The following IQSEC2 variants were observed in gnomAD, a reference collection of about 807,000 sequenced individuals.
IQSEC2 encodes IQ motif and SEC7 domain-containing protein 2.
In IQSEC2, 6 loss-of-function variants were observed where a neutral mutation model predicts 74.6. The observed-to-expected ratio is 0.08, with a 90% CI of 0.04 to 0.16. The LOEUF (loss-of-function observed/expected upper bound fraction) is 0.16, where lower values mean the gene tolerates loss of function less well. Ranked by LOEUF, IQSEC2 falls within the 10% of genes least tolerant of loss-of-function variation. The pLI is 1.00. For missense variants in IQSEC2, 734 were observed against 1,306.2 expected (o/e 0.56, Z 6.75); for synonymous variants, 494 against 544.5 (o/e 0.91, Z 1.29).
chrX:53,277,218 CTTT>C (rs782593191), intron 2 of IQSEC2, among the ~76,000 whole-genome samples: 1 of 102,819 alleles, frequency 9.7e-6, no homozygotes, highest in South Asian at 4.3e-4. Flanking sequence ...ACCGTCTTTT[CTTT>C]TTTTTTTTGA....
At chrX:53,292,528 T>C (rs2075110513) in intron 1 of IQSEC2, among the ~76,000 whole-genome samples, 1 of 112,124 alleles carries the variant, frequency 8.9e-6, no homozygotes, top group Non-Finnish European at 1.9e-5. Context: ...AACCTGCTTA[T>C]TTTCCAGATG....
At chrX:53,227,811 C>T (rs1556857919), downstream of IQSEC2, 1 of 187,901 alleles carries the variant, frequency 5.3e-6, no homozygotes, top group African/African-American at 3.0e-5. Context: ...GGTCTCAGCT[C>T]TGCACAGTCT....
chrX:53,228,990 T>C (rs1317424833), downstream of IQSEC2: 9 of 112,597 alleles, frequency 8.0e-5, no homozygotes, highest in African/African-American at 1.9e-4. Context: ...TGACTCCACA[T>C]TGATATAAGT....
chrX:53,230,685 C>T (rs368268391), downstream of IQSEC2: 1 of 113,349 alleles, frequency 8.8e-6, no homozygotes, highest in East Asian at 2.8e-4. Flanking sequence ...CTGCAACCTC[C>T]GCCTCTCGGG....
At chrX:53,308,768 A>T (rs1273006048) in intron 1 of IQSEC2, among the ~76,000 whole-genome samples, 26 of 110,196 alleles carry the variant, frequency 2.4e-4, no homozygotes, top group African/African-American at 8.6e-4. Context: ...TACAAAGGTA[A>T]CTAATAGAGG....
intron 2 of IQSEC2, among the ~76,000 whole-genome samples, chrX:53,288,310 C>T: frequency 8.9e-6 from 1 of 111,914 alleles, no homozygotes; most frequent in Non-Finnish European, 1.9e-5. Context: ...GAGGCTCCTC[C>T]TCCCACTTCT....
intron 2 of IQSEC2, among the ~76,000 whole-genome samples, chrX:53,284,920 G>A (rs782591963): frequency 6.2e-5 from 7 of 112,179 alleles, no homozygotes; most frequent in Non-Finnish European, 1.3e-4. Flanking sequence ...GGGTCCTGCA[G>A]CTCCTCAGCT....
chrX:53,266,593 G>T, intron 2 of IQSEC2: 16 of 783,178 alleles, frequency 2.0e-5, no homozygotes, highest in Non-Finnish European at 2.3e-5. Flanking sequence ...GAGGACAGAG[G>T]TAGGTCCTTG....
At chrX:53,239,701 C>T (rs1310216949) in intron 10 of IQSEC2, 1 of 195,111 alleles carries the variant, frequency 5.1e-6, no homozygotes, top group Non-Finnish European at 9.4e-6. Context: ...GGGCAGGAGT[C>T]TGGTTGTCGG....
At position 53,236,344 on chromosome X, in the gene IQSEC2, G is replaced by A. The variant is rs2147014056; in HGVS notation, c.3429C>T (p.Ser1143=). The A allele has an allele frequency of 8.3e-7, 1 of 1,209,681 alleles. No homozygotes were observed. Among genetic ancestry groups the A allele is most frequent in the Admixed American group, 2.2e-5 (1 of 45,995 alleles). Reference sequence around the variant, plus strand: ...TACCTGCATCAGAGAGGTCTCGCAGGGAACTGCTGAGTGCGCCCCGTTTGA... The same window carrying A: ...TACCTGCATCAGAGAGGTCTCGCAGAGAACTGCTGAGTGCGCCCCGTTTGA... ...DGLKRGALSS[S]LRDLSDAGKR... Residue 1143 remains serine, a synonymous_variant, in exon 13 of 15, where the codon TCC becomes TCT. Coordinates refer to ENST00000642864, the MANE Select transcript of IQSEC2 (RefSeq NM_001111125.3).
At chrX:53,237,794 C>A in intron 12 of IQSEC2, 1 of 249,631 alleles carries the variant, frequency 4.0e-6, no homozygotes, top group South Asian at 6.0e-5. Flanking sequence ...TAGGAAGAAA[C>A]TGGGGCTTGG....
At chrX:53,264,518 C>T (rs1287091458) in intron 2 of IQSEC2, among the ~76,000 whole-genome samples, 1 of 105,256 alleles carries the variant, frequency 9.5e-6, no homozygotes, top group Admixed American at 1.0e-4. Flanking sequence ...TCGTCCCCAG[C>T]CCCAGGTCAC....
intron 9 of IQSEC2, 85 bp from the exon 10 acceptor site, chrX:53,241,994 A>G (rs2074229301): frequency 1.9e-5 from 20 of 1,078,493 alleles, no homozygotes; most frequent in Non-Finnish European, 2.5e-5. Context: ...AACCGCAAGA[A>G]GTTTACCACT....
chrX:53,261,492 GCACACACACA>G (rs3045180), intron 2 of IQSEC2, among the ~76,000 whole-genome samples: 1 of 100,668 alleles, frequency 9.9e-6, no homozygotes, highest in African/African-American at 3.6e-5. Flanking sequence ...ATCTGCATGT[GCACACACACA>G]CACACACACA....
intron 1 of IQSEC2, among the ~76,000 whole-genome samples, chrX:53,303,199 T>C (rs2075228270): frequency 1.1e-5 from 1 of 87,281 alleles, no homozygotes; most frequent in African/African-American, 5.1e-5. Flanking sequence ...TGAGACTCTG[T>C]CAAAAAAAAA....
intron 2 of IQSEC2, among the ~76,000 whole-genome samples, chrX:53,275,980 C>A (rs1311481693): frequency 9.0e-6 from 1 of 110,513 alleles, no homozygotes; most frequent in East Asian, 2.8e-4. Flanking sequence ...GGATTACAGG[C>A]GTGAGCCACC....
At chrX:53,317,026 G>A (rs2075383764) in intron 1 of IQSEC2, among the ~76,000 whole-genome samples, 1 of 110,251 alleles carries the variant, frequency 9.1e-6, no homozygotes, top group Non-Finnish European at 1.9e-5. Context: ...CGTGGGAAAC[G>A]CAGCTCTTCA....
chrX:53,299,975 GTC>G (rs1179000587), intron 1 of IQSEC2, among the ~76,000 whole-genome samples: 2 of 110,330 alleles, frequency 1.8e-5, no homozygotes, highest in Non-Finnish European at 3.8e-5. Context: ...GCCCAGGCTG[GTC>G]TCAAACTCCT....
chrX:53,290,006 G>C (rs2075079826), intron 2 of IQSEC2, among the ~76,000 whole-genome samples: 1 of 111,945 alleles, frequency 8.9e-6, no homozygotes, highest in South Asian at 3.8e-4. Flanking sequence ...CTAATATTAG[G>C]ATGAGGATGA....
Sources: allele counts gnomAD v4.1 joint callset (sites outside exome capture counted in the v4.1 genomes callset), GRCh38; gene constraint gnomAD v4.1.1; transcripts MANE v1.5; gene names NCBI Gene and HGNC (gene_info 2026-07-23, HGNC 2026-07-21).